OR9Q1: variants seen among roughly 807,000 people sequenced by gnomAD.
OR9Q1 encodes the protein olfactory receptor family 9 subfamily Q member 1.
For missense variants in OR9Q1, 374 were observed against 378.8 expected, an observed-to-expected ratio of 0.99 and a Z score of 0.11; for synonymous variants, 153 against 148.6, an observed-to-expected ratio of 1.03 and a Z score of -0.22.
intron 2 of OR9Q1, among the ~76,000 whole-genome samples, chr11:58,177,613 G>T (rs948644884): frequency 1.3e-5 from 2 of 152,182 alleles, no homozygotes; most frequent in African/African-American, 4.8e-5. Context: ...TAAGCACATT[G>T]TTAGGTTGAG....
At chr11:58,123,327 C>G (rs1854054740) in intron 2 of OR9Q1, among the ~76,000 whole-genome samples, 1 of 152,116 alleles carries the variant, frequency 6.6e-6, no homozygotes, top group Non-Finnish European at 1.5e-5. Context: ...CATGAGATAA[C>G]TTGGTTAATT....
At chr11:58,033,590 C>G (rs910135036) in intron 1 of OR9Q1, among the ~76,000 whole-genome samples, 1 of 151,916 alleles carries the variant, frequency 6.6e-6, no homozygotes, top group Non-Finnish European at 1.5e-5. Flanking sequence ...ATAAGAGATA[C>G]TGGGGACCTC....
chr11:58,031,509 C>T, intron 1 of OR9Q1: 2 of 1,614,160 alleles, frequency 1.2e-6, no homozygotes, highest in Non-Finnish European at 1.7e-6. Context: ...TGTGATGCCT[C>T]ACCCTTGCTA....
chr11:58,130,557 C>A (rs144120208), intron 2 of OR9Q1, among the ~76,000 whole-genome samples: 1 of 151,948 alleles, frequency 6.6e-6, no homozygotes, highest in Non-Finnish European at 1.5e-5. Flanking sequence ...TTTGGGAAGC[C>A]GAGGTGGATG....
At chr11:58,141,218 C>T (rs1270517997) in intron 2 of OR9Q1, among the ~76,000 whole-genome samples, 1 of 152,110 alleles carries the variant, frequency 6.6e-6, no homozygotes, top group Non-Finnish European at 1.5e-5. Context: ...ATTTCCTTCT[C>T]CTGCCTAATT....
intron 1 of OR9Q1, chr11:58,031,413 T>C (rs779785724): frequency 1.2e-6 from 2 of 1,614,210 alleles, no homozygotes; most frequent in Admixed American, 3.3e-5. Flanking sequence ...GCCTGTTGGC[T>C]GGTAGGTTTC....
At chr11:58,058,038 C>T (rs995756025) in intron 2 of OR9Q1, among the ~76,000 whole-genome samples, 1 of 152,152 alleles carries the variant, frequency 6.6e-6, no homozygotes, top group Admixed American at 6.5e-5. Context: ...ATTTGATGCT[C>T]CTTTCATTAG....
At chr11:58,066,940 G>A (rs951224839) in intron 2 of OR9Q1, among the ~76,000 whole-genome samples, 1 of 152,198 alleles carries the variant, frequency 6.6e-6, no homozygotes, top group Non-Finnish European at 1.5e-5. Flanking sequence ...CACCGGCACT[G>A]GGGAGTGTGT....
At chr11:58,153,615 A>AT (rs1854375842) in intron 2 of OR9Q1, among the ~76,000 whole-genome samples, 1 of 151,870 alleles carries the variant, frequency 6.6e-6, no homozygotes, top group Admixed American at 6.6e-5. Context: ...AAGTTTATTG[A>AT]TTTTTAAAAC....
At chr11:58,151,798 A>G (rs1240533137) in intron 2 of OR9Q1, among the ~76,000 whole-genome samples, 1 of 151,952 alleles carries the variant, frequency 6.6e-6, no homozygotes, top group Non-Finnish European at 1.5e-5. Context: ...AACCTTGCAC[A>G]CAGAATTACC....
intron 2 of OR9Q1, among the ~76,000 whole-genome samples, chr11:58,068,050 G>A (rs1421516631): frequency 2.6e-5 from 4 of 151,964 alleles, no homozygotes; most frequent in Admixed American, 2.6e-4. Flanking sequence ...TAAAGCCCAG[G>A]ACACCCAGCC....
chr11:58,059,953 CTG>C (rs1464845564), intron 2 of OR9Q1: 8 of 152,128 alleles, frequency 5.3e-5, no homozygotes, highest in Non-Finnish European at 1.0e-4. Context: ...CCAGGCTTCT[CTG>C]TAATAGCTCT....
chr11:58,086,066 C>A (rs2120053335), intron 2 of OR9Q1, among the ~76,000 whole-genome samples: 1 of 151,998 alleles, frequency 6.6e-6, no homozygotes, highest in Middle Eastern at 3.4e-3. Context: ...AATGCCTTGG[C>A]AGACAGACAA....
chr11:58,117,947 C>A (rs1853974497), intron 2 of OR9Q1: 2 of 152,404 alleles, frequency 1.3e-5, no homozygotes, highest in African/African-American at 4.8e-5. Context: ...CAAGTCTCTT[C>A]TGAAGAGAGA....
chr11:58,038,754 C>T lies in OR9Q1; in HGVS notation c.-93+14650C>T, dbSNP rs544572308. 2.0e-5 allele frequency among the ~76,000 whole-genome samples: 3 copies of T among 152,318 alleles called. No individual in the cohort carries two copies. The South Asian group carries it at 6.2e-4, about 32-fold the overall frequency. ...ATAACTCTCCTTCACTGACATTCTT[C>T]TGGTCTCTCTTTTATGGCTCCATGT... On this transcript the variant is annotated intron_variant, in intron 1 of 2. Transcript: ENST00000335397.
At chr11:58,129,390 T>C (rs1590606595) in intron 2 of OR9Q1, among the ~76,000 whole-genome samples, 7 of 152,146 alleles carry the variant, frequency 4.6e-5, no homozygotes, top group Admixed American at 4.6e-4. Flanking sequence ...ATTTTTCTCA[T>C]AGAATCAAGA....
chr11:58,040,547 G>C (rs899900474), intron 1 of OR9Q1, among the ~76,000 whole-genome samples: 2 of 152,266 alleles, frequency 1.3e-5, no homozygotes, highest in African/African-American at 4.8e-5. Flanking sequence ...GTGCTGGCTG[G>C]GTGCTGAGAG....
chr11:58,108,166 CTATT>C (rs1182881737), intron 2 of OR9Q1, among the ~76,000 whole-genome samples: 1 of 152,158 alleles, frequency 6.6e-6, no homozygotes, highest in East Asian at 1.9e-4. Flanking sequence ...CTTTCCCTAT[CTATT>C]CTAATTTTTT....
At chr11:58,058,111 A>C (rs1853344735) in intron 2 of OR9Q1, among the ~76,000 whole-genome samples, 1 of 152,162 alleles carries the variant, frequency 6.6e-6, no homozygotes, top group Non-Finnish European at 1.5e-5. Flanking sequence ...GGACTGGGAA[A>C]GGCTTCTTGG....
Sources: allele counts gnomAD v4.1 joint callset (sites outside exome capture counted in the v4.1 genomes callset), GRCh38; gene constraint gnomAD v4.1.1; transcripts MANE v1.5; gene names NCBI Gene and HGNC (gene_info 2026-07-23, HGNC 2026-07-21).